TSPAN32: variants seen among roughly 807,000 people sequenced by gnomAD.
TSPAN32 encodes tetraspanin-32.
A neutral mutation model predicts 42.7 loss-of-function variants in TSPAN32; 47 were observed. The observed-to-expected ratio is 1.10, with a 90% CI of 0.87 to 1.40. The LOEUF (loss-of-function observed/expected upper bound fraction) is 1.40. Among genes scored for constraint, TSPAN32 ranks in the 40% most tolerant of loss-of-function variants. The probability of loss-of-function intolerance (pLI) is 0.00; values close to 1 mark genes in which losing one functional copy is unlikely to be tolerated. For synonymous variants in TSPAN32, 175 were observed against 175.9 expected (o/e 0.99, Z 0.04); for missense variants, 469 against 424.1 (o/e 1.11, Z -0.93).
At chr11:2,309,333 C>T (rs2521275) in intron 4 of TSPAN32, 367,739 of 470,122 alleles carry the variant, frequency 0.78, 149,391 homozygotes, top group Non-Finnish European at 0.89. Flanking sequence ...CCCATCCTTC[C>T]GTCCTGGATG....
intron 3 of TSPAN32, among the ~76,000 whole-genome samples, chr11:2,305,467 G>C (rs1391098131): frequency 2.0e-5 from 3 of 152,176 alleles, no homozygotes; most frequent in Non-Finnish European, 4.4e-5. Flanking sequence ...GTCAGAGCTG[G>C]AGGCCCAGAA....
chr11:2,303,339 T>C, intron 2 of TSPAN32: 1 of 179,970 alleles, frequency 5.6e-6, no homozygotes, highest in South Asian at 7.9e-5. Flanking sequence ...ACATGGCTGA[T>C]GTTCCACTCA....
In TSPAN32 at chr11:2,317,536, C is replaced by T. The variant is rs1216168605; in HGVS notation, c.901+11C>T. The T allele has an allele frequency of 1.3e-6, 2 of 1,566,648 alleles. No homozygotes were observed. Among genetic ancestry groups the T allele is most frequent in the Admixed American group, 1.8e-5 (1 of 54,322 alleles). On this transcript the variant is annotated intron_variant, in intron 9 of 9. Coordinates refer to ENST00000182290, the MANE Select transcript of TSPAN32 (RefSeq NM_139022.3). This position sits in a 1 kb window ranked among gnomAD's most constrained non-coding sequence, Gnocchi z 6.2. ...TGGCTGCCCACAGAGGTGAAGACGC[C>T]CCTGCTGTCAGCCCTCATGGGATCC...
At chr11:2,302,337 C>T in intron 1 of TSPAN32, 122 bp downstream of exon 1, 1 of 1,129,528 alleles carries the variant, frequency 8.9e-7, no homozygotes, top group Non-Finnish European at 1.2e-6. Context: ...CTGTCCCTGT[C>T]CTGCCCTTGC....
chr11:2,306,563 AAGAGAG>A (rs1173902025), intron 3 of TSPAN32, among the ~76,000 whole-genome samples: 1 of 150,226 alleles, frequency 6.7e-6, no homozygotes, highest in African/African-American at 2.5e-5. Context: ...GAAAGAGAGA[AAGAGAG>A]AAAGAGAGAG....
chr11:2,308,846 TCCCCC>T, intron 4 of TSPAN32, 36 bp downstream of exon 4: 3 of 1,448,550 alleles, frequency 2.1e-6, no homozygotes, highest in East Asian at 2.5e-5. Context: ...CAGTGGAGGG[TCCCCC>T]AGTAAGCCAG....
At chr11:2,303,425 T>C in intron 2 of TSPAN32, 1 of 201,110 alleles carries the variant, frequency 5.0e-6, no homozygotes, top group Non-Finnish European at 1.1e-5. Flanking sequence ...CAGCAGCGAC[T>C]TATCCAACAT....
chr11:2,314,914 C>T, intron 6 of TSPAN32: 1 of 361,210 alleles, frequency 2.8e-6, no homozygotes, highest in East Asian at 6.6e-5. Context: ...TCTTGGAGTG[C>T]ACCCATGAGG....
At chr11:2,311,000 G>A (rs1425265990) in intron 4 of TSPAN32, among the ~76,000 whole-genome samples, 2 of 152,216 alleles carry the variant, frequency 1.3e-5, no homozygotes, top group Non-Finnish European at 2.9e-5. Flanking sequence ...AGTGGCAAAG[G>A]CCAAAGGCCC....
chr11:2,308,935 GT>G, intron 4 of TSPAN32, 125 bp downstream of exon 4: 2 of 692,788 alleles, frequency 2.9e-6, no homozygotes, highest in South Asian at 3.8e-5. Flanking sequence ...ACCGGGTGGG[GT>G]GGGGGAGACC....
chr11:2,315,263 C>A, intron 6 of TSPAN32: 1 of 1,196,180 alleles, frequency 8.4e-7, no homozygotes, highest in South Asian at 1.5e-5. Context: ...CACCTGGCGA[C>A]CCTCCAAGAA....
chr11:2,316,066 TC>T lies in TSPAN32; in HGVS notation c.544-160del, dbSNP rs1251084119. The T allele has an allele frequency of 7.8e-6, 12 of 1,533,904 alleles. No individual in the cohort carries two copies. In the Admixed American group the frequency reaches 2.0e-4, roughly 25 times the overall value. On this transcript the variant is annotated intron_variant, in intron 6 of 9. Coordinates refer to ENST00000182290, the MANE Select transcript of TSPAN32 (RefSeq NM_139022.3). ...GGGCTTCACCTGCTCGTGCTGCCTT[TC>T]CCTAGAGCCCTGGGGGCTTCCTAGG...
intron 2 of TSPAN32, among the ~76,000 whole-genome samples, chr11:2,303,741 C>T (rs1836159473): frequency 6.6e-6 from 1 of 151,970 alleles, no homozygotes; most frequent in African/African-American, 2.4e-5. Context: ...AGTCCGGCCA[C>T]TTGTCACTAG....
chr11:2,309,305 C>T, intron 4 of TSPAN32: 1 of 463,430 alleles, frequency 2.2e-6, no homozygotes. Context: ...CAGCCTCCAC[C>T]CCCTCCACGG....
chr11:2,313,750 G>T lies in TSPAN32; in HGVS notation c.451G>T (p.Asp151Tyr). Reference protein sequence around the residue: ...VRRQELAAIQDVFLCCGKKSP... With the variant: ...VRRQELAAIQYVFLCCGKKSP... ...GCGGCAGGAGCTGGCGGCCATCCAG[G>T]ACGTGGTGAGCGTGGGGACGGCTGG... The change falls in exon 5 of 10, where the codon GAC (aspartate) becomes TAC (tyrosine). Residue 151 changes from aspartate to tyrosine, a missense_variant. By Grantham distance (160) the Asp-to-Tyr change is radical. Transcript: ENST00000182290. The surrounding 1 kb of genome is among the most constrained non-coding windows in gnomAD (Gnocchi z 9.1). 1 of 1,594,330 alleles carries T rather than the reference G, an allele frequency of 6.3e-7. No individual in the cohort carries two copies.
At chr11:2,303,993 C>T in intron 2 of TSPAN32, 114 bp from the exon 3 acceptor site, 1 of 761,990 alleles carries the variant, frequency 1.3e-6, no homozygotes, top group Non-Finnish European at 2.2e-6. Flanking sequence ...ATTCAGAGCC[C>T]CCCAGGAGTC....
rs772440416 is a variant in TSPAN32, at chr11:2,317,489, C to G, written c.865C>G (p.Pro289Ala). 8.2e-6 allele frequency: 13 copies of G among 1,593,006 alleles called. No homozygotes were observed. Among genetic ancestry groups the G allele is most frequent in the Non-Finnish European group, 1.1e-5 (13 of 1,170,798 alleles). Residue 289 changes from proline (P) to alanine (A), a missense_variant, in exon 9 of 10, where the codon CCT (proline) becomes GCT (alanine). Transcript: ENST00000182290. The surrounding 1 kb of genome is among the most constrained non-coding windows in gnomAD (Gnocchi z 6.2). ...GTGGCTGCAGGAGAGCGATGCTGCG[C>G]CTCTGCCCCTCTCCTGCCACCTGGC... ...LRWLQESDAA[P>A]LPLSCHLAAH...
chr11:2,306,453 C>T (rs1291962480), intron 3 of TSPAN32, among the ~76,000 whole-genome samples: 3 of 152,000 alleles, frequency 2.0e-5, no homozygotes, highest in Non-Finnish European at 2.9e-5. Flanking sequence ...CCTGACCACC[C>T]AGCAGCCTCT....
chr11:2,311,982 C>G (rs1408041217), intron 4 of TSPAN32, among the ~76,000 whole-genome samples: 1 of 151,044 alleles, frequency 6.6e-6, no homozygotes, highest in Non-Finnish European at 1.5e-5. Context: ...TCTGCTTCCC[C>G]AGTCGTGGGG....
Sources: gnomAD v4.1 joint callset for allele counts (sites outside exome capture counted in the v4.1 genomes callset) on GRCh38, gnomAD v4.1.1 for gene constraint, Gnocchi (gnomAD v3.1) non-coding constraint, MANE v1.5 for transcripts, NCBI Gene and HGNC (gene_info 2026-07-23, HGNC 2026-07-21) for gene names.